The following TENM2 variants were observed in gnomAD, a reference collection of about 807,000 sequenced individuals.
TENM2 encodes teneurin-2.
In TENM2, 52 loss-of-function variants were observed where a neutral mutation model predicts 245.2. The ratio of observed to expected loss-of-function variants is 0.21; its 90% CI spans 0.17 to 0.27. TENM2 has a LOEUF of 0.27. TENM2 is among the 10% of genes least tolerant of loss of function. The pLI is 1.00. For synonymous variants in TENM2, 1,363 were observed against 1,438.9 expected (o/e 0.95, Z 1.19); for missense variants, 3,046 against 3,666.8 (o/e 0.83, Z 4.37).
At chr5:168,119,417 T>C (rs1795315299) in intron 10 of TENM2, among the ~76,000 whole-genome samples, 1 of 152,236 alleles carries the variant, frequency 6.6e-6, no homozygotes, top group African/African-American at 2.4e-5. Context: ...CTAGTTACCT[T>C]GATCAGTTAT....
At chr5:167,018,210 A>G in the TENM2 span, among the ~76,000 whole-genome samples, 3 of 152,224 alleles carry the variant, frequency 2.0e-5, no homozygotes, top group Non-Finnish European at 4.4e-5. Context: ...AAAATGATAT[A>G]TCACAATTCT....
chr5:167,629,490 C>A (rs1187365897), intron 2 of TENM2, among the ~76,000 whole-genome samples: 1 of 152,116 alleles, frequency 6.6e-6, no homozygotes, highest in Admixed American at 6.5e-5. Flanking sequence ...TACATATTTT[C>A]CAATTGATTA....
intron 2 of TENM2, among the ~76,000 whole-genome samples, chr5:167,821,672 G>A (rs1399879286): frequency 6.6e-6 from 1 of 152,126 alleles, no homozygotes; most frequent in Non-Finnish European, 1.5e-5. Context: ...AATATGGAGT[G>A]TTTTATAACA....
intron 1 of TENM2, among the ~76,000 whole-genome samples, chr5:167,354,003 A>G (rs1198471854): frequency 6.6e-6 from 1 of 152,232 alleles, no homozygotes; most frequent in East Asian, 1.9e-4. Flanking sequence ...AGAAAGAAAC[A>G]TAGAATAAAG....
chr5:167,913,370 G>A (rs187015442), intron 3 of TENM2, among the ~76,000 whole-genome samples: 2 of 152,248 alleles, frequency 1.3e-5, no homozygotes, highest in Admixed American at 1.3e-4. Context: ...TTTTCATATT[G>A]GGCAAGAAGA....
chr5:167,486,636 C>T (rs1040947266), intron 2 of TENM2, among the ~76,000 whole-genome samples: 1 of 152,046 alleles, frequency 6.6e-6, no homozygotes, highest in Non-Finnish European at 1.5e-5. Context: ...CCTGCCATTT[C>T]TTAAATAATA....
chr5:167,918,635 G>A (rs1014184024), intron 3 of TENM2, among the ~76,000 whole-genome samples: 2 of 152,144 alleles, frequency 1.3e-5, no homozygotes, highest in Non-Finnish European at 2.9e-5. Context: ...GTGTGGCAGT[G>A]TTTTGGAAGC....
chr5:168,165,115 A>T (rs1232642990), intron 13 of TENM2: 1 of 152,264 alleles, frequency 6.6e-6, no homozygotes, highest in Non-Finnish European at 1.5e-5. Flanking sequence ...ATAGGAGTAC[A>T]CAATCAAAAC....
the TENM2 span, among the ~76,000 whole-genome samples, chr5:167,233,404 C>A: frequency 6.6e-6 from 1 of 151,982 alleles, no homozygotes; most frequent in Admixed American, 6.6e-5. Context: ...AAGCAGGAAA[C>A]AAGTTATAAA....
At chr5:167,002,269 G>T in the TENM2 span, among the ~76,000 whole-genome samples, 26 of 152,094 alleles carry the variant, frequency 1.7e-4, no homozygotes, top group Admixed American at 1.6e-3. Flanking sequence ...TTGCCTAAAT[G>T]AAACTAATCT....
the TENM2 span, among the ~76,000 whole-genome samples, chr5:167,046,598 G>T: frequency 6.6e-6 from 1 of 152,186 alleles, no homozygotes; most frequent in African/African-American, 2.4e-5. Context: ...CACAAGGTCA[G>T]TGTGAGTGTC....
intron 2 of TENM2, among the ~76,000 whole-genome samples, chr5:167,620,347 G>A (rs564482552): frequency 1.3e-5 from 2 of 152,230 alleles, no homozygotes; most frequent in South Asian, 4.1e-4. Context: ...GTAGAAGTCT[G>A]CAGTACCTTT....
intron 2 of TENM2, among the ~76,000 whole-genome samples, chr5:167,840,715 C>T (rs761358993): frequency 8.5e-5 from 13 of 152,088 alleles, no homozygotes; most frequent in Non-Finnish European, 1.8e-4. Context: ...ATAAAAGAAA[C>T]ATCAATAAAA....
the TENM2 span, among the ~76,000 whole-genome samples, chr5:167,121,977 A>G: frequency 6.6e-6 from 1 of 152,192 alleles, no homozygotes; most frequent in Non-Finnish European, 1.5e-5. Flanking sequence ...GCTCATTTAA[A>G]TCTTGTACCA....
chr5:168,218,883 T>C lies in TENM2; in HGVS notation c.4992T>C (p.Asn1664=), dbSNP rs1363560. The C allele has an allele frequency of 0.26, 417,367 of 1,613,754 alleles. 61,553 individuals are homozygous for C. Among genetic ancestry groups the C allele is most frequent in the African/African-American group, 0.59 (44,392 of 74,958 alleles). The change falls in exon 23 of 29, where the codon AAT becomes AAC. Residue 1664 remains asparagine (N), a synonymous_variant. Transcript: ENST00000518659. This position sits in a 1 kb window ranked among gnomAD's most constrained non-coding sequence, Gnocchi z 5.2. ...TCATCACCCTCACCGTGGGCACCAA[T>C]GGAGGCCTCAAAGTCGTGTCCACAC...
chr5:167,639,158 A>G (rs2150241789), intron 2 of TENM2, among the ~76,000 whole-genome samples: 1 of 152,332 alleles, frequency 6.6e-6, no homozygotes, highest in South Asian at 2.1e-4. Flanking sequence ...CCTAATTATT[A>G]TTTGAGTTGC....
At chr5:168,230,533 C>T (rs914168667) in intron 25 of TENM2, among the ~76,000 whole-genome samples, 1 of 152,124 alleles carries the variant, frequency 6.6e-6, no homozygotes, top group Admixed American at 6.5e-5. Context: ...TTTCGTGAGC[C>T]CATGGCAGGG....
intron 3 of TENM2, among the ~76,000 whole-genome samples, chr5:167,924,409 A>G (rs1292929457): frequency 6.6e-6 from 1 of 152,260 alleles, no homozygotes; most frequent in Admixed American, 6.5e-5. Flanking sequence ...CGACAGGAGC[A>G]TGCAGAGTAG....
At chr5:168,235,185 G>A (rs906265586) in intron 25 of TENM2, among the ~76,000 whole-genome samples, 1 of 152,156 alleles carries the variant, frequency 6.6e-6, no homozygotes, top group South Asian at 2.1e-4. Flanking sequence ...TTCTTCACGT[G>A]ACTAATATTT....
Sources: gnomAD v4.1 joint callset for allele counts (sites outside exome capture counted in the v4.1 genomes callset) on GRCh38, gnomAD v4.1.1 for gene constraint, Gnocchi (gnomAD v3.1) non-coding constraint, MANE v1.5 for transcripts, NCBI Gene and HGNC (gene_info 2026-07-23, HGNC 2026-07-21) for gene names.